UBE2R2: variants seen among roughly 807,000 people sequenced by gnomAD.
The protein encoded by UBE2R2 is ubiquitin conjugating enzyme E2 R2, also known as ubiquitin-conjugating enzyme E2 R2.
UBE2R2 carries 1 observed loss-of-function variant against 27.8 expected under a neutral mutation model. The ratio of observed to expected loss-of-function variants is 0.04; its 90% CI spans 0.01 to 0.17. The LOEUF (loss-of-function observed/expected upper bound fraction) is 0.17. Among genes scored for constraint, UBE2R2 ranks in the 10% least tolerant of loss-of-function variants. UBE2R2 has a pLI of 1.00. For synonymous variants in UBE2R2, 106 were observed against 113.3 expected, an observed-to-expected ratio of 0.94 and a Z score of 0.41; for missense variants, 100 against 291.0, an observed-to-expected ratio of 0.34 and a Z score of 4.78.
intron 2 of UBE2R2, among the ~76,000 whole-genome samples, chr9:33,899,796 C>G (rs914216363): frequency 2.6e-5 from 4 of 152,182 alleles, no homozygotes; most frequent in African/African-American, 9.7e-5. Context: ...CCGCGCCCAG[C>G]CCCAGTCAAT....
intron 1 of UBE2R2, among the ~76,000 whole-genome samples, chr9:33,837,121 C>T (rs953588715): frequency 6.6e-6 from 1 of 152,122 alleles, no homozygotes; most frequent in Admixed American, 6.6e-5. Flanking sequence ...ATATTTTCTC[C>T]TCTATGTTTT....
Position 33,906,093 on chromosome 9 carries a change from T to TGTC in UBE2R2, c.362+5834_362+5836dup, listed in dbSNP as rs1197532770. Among the ~76,000 whole-genome samples the TGTC allele has an allele frequency of 4.7e-5, 7 of 149,372 alleles. No individual in the cohort carries two copies. In the South Asian group the frequency reaches 1.1e-3, roughly 23 times the overall value. On this transcript the variant is annotated intron_variant, in intron 3 of 4. Coordinates refer to ENST00000263228, the MANE Select transcript of UBE2R2 (RefSeq NM_017811.4). ...TAAGTTCAGGTTTTGTTGTTGTTGT[T>TGTC]GTCGTCGTCGTCGTTGTTGCTGTTG...
Position 33,875,384 on chromosome 9 carries a change from C to T in UBE2R2, c.178-11497C>T, listed in dbSNP as rs1339366144. 3.3e-5 allele frequency among the ~76,000 whole-genome samples: 5 copies of T among 152,080 alleles called. No individual in the cohort carries two copies. The East Asian group carries it at 7.7e-4, about 23-fold the overall frequency. On this transcript the variant is annotated intron_variant, in intron 1 of 4. Transcript: ENST00000263228. Reference sequence around the variant, plus strand: ...TCCCTTTTACTTCTTGTGGAAAATACTTTAATATTTATTAATGCTCCTCAA... The same window carrying T: ...TCCCTTTTACTTCTTGTGGAAAATATTTTAATATTTATTAATGCTCCTCAA...
chr9:33,817,937 A>AC lies in UBE2R2; in HGVS notation c.177+6dup, dbSNP rs771012275. The AC allele has an allele frequency of 5.6e-6, 9 of 1,602,230 alleles. No individual in the cohort carries two copies. In the African/African-American group the frequency reaches 6.8e-5, roughly 12 times the overall value. On this transcript the variant is annotated splice_donor_region_variant and intron_variant, in intron 1 of 4. Transcript: ENST00000263228. ...TCTACGAAGGCGGCTACTTCAAGGTACCCTCACCCTCCTCCCGGACCCTGC... is the reference window on the plus strand; with the variant it reads ...TCTACGAAGGCGGCTACTTCAAGGTACCCCTCACCCTCCTCCCGGACCCTGC...
chr9:33,843,065 T>TTTTA (rs1364748305), intron 1 of UBE2R2, among the ~76,000 whole-genome samples: 1 of 144,772 alleles, frequency 6.9e-6, no homozygotes, highest in African/African-American at 2.5e-5. Context: ...TTTTTTTTTT[T>TTTTA]AAGACAGAGT....
intron 1 of UBE2R2, among the ~76,000 whole-genome samples, chr9:33,822,178 G>T (rs955290506): frequency 4.1e-5 from 6 of 146,858 alleles, no homozygotes; most frequent in African/African-American, 1.5e-4. Flanking sequence ...TGCAACCTCC[G>T]CCTCCTGGGT....
At chr9:33,819,599 A>C (rs577551482) in intron 1 of UBE2R2, among the ~76,000 whole-genome samples, 4 of 152,176 alleles carry the variant, frequency 2.6e-5, no homozygotes, top group African/African-American at 7.2e-5. Context: ...TTTTATGCAT[A>C]CTGGAAAAAT....
chr9:33,830,800 G>A (rs1820456470), intron 1 of UBE2R2, among the ~76,000 whole-genome samples: 1 of 151,344 alleles, frequency 6.6e-6, no homozygotes, highest in Non-Finnish European at 1.5e-5. Flanking sequence ...TATCTGCTTT[G>A]CTTATTTGTT....
intron 1 of UBE2R2, among the ~76,000 whole-genome samples, chr9:33,863,290 A>G (rs574741418): frequency 1.4e-3 from 207 of 151,962 alleles, no homozygotes; most frequent in Middle Eastern, 6.8e-3. Context: ...TTTGGAGCCC[A>G]GGGCAGATTC....
chr9:33,880,489 C>T (rs1426599819), intron 1 of UBE2R2, among the ~76,000 whole-genome samples: 2 of 151,742 alleles, frequency 1.3e-5, no homozygotes, highest in Admixed American at 1.3e-4. Context: ...AAAGAATATG[C>T]TATGTATTAT....
intron 1 of UBE2R2, among the ~76,000 whole-genome samples, chr9:33,821,081 TTTA>T (rs1825973784): frequency 2.6e-5 from 4 of 152,176 alleles, no homozygotes; most frequent in Admixed American, 1.3e-4. Flanking sequence ...AAGTCGGAAT[TTTA>T]TTGTTACTAG....
At chr9:33,874,863 C>T (rs1042794899) in intron 1 of UBE2R2, among the ~76,000 whole-genome samples, 5 of 152,100 alleles carry the variant, frequency 3.3e-5, no homozygotes, top group East Asian at 1.9e-4. Flanking sequence ...TTGGGGGTCT[C>T]GCTATGTTGC....
chr9:33,834,296 G>A lies in UBE2R2; in HGVS notation c.177+16362G>A, dbSNP rs146174440. ...GCTCACTGCAACCTCCGTCTCCCGG[G>A]TTCAAGTGACTCTCCTGCCTCAGCC... On this transcript the variant is annotated intron_variant, in intron 1 of 4. Transcript: ENST00000263228. Among the ~76,000 whole-genome samples, 825 of 151,660 alleles carry A rather than the reference G, an allele frequency of 5.4e-3. 2 individuals carry two copies. The highest frequency in any genetic ancestry group is 8.5e-3 in the Non-Finnish European group (578 of 67,912).
intron 1 of UBE2R2, among the ~76,000 whole-genome samples, chr9:33,826,145 CAAAA>C (rs36036831): frequency 9.7e-6 from 1 of 102,580 alleles, no homozygotes; most frequent in African/African-American, 3.7e-5. Flanking sequence ...GACTCTGTCT[CAAAA>C]AAAAAAAAAA....
intron 1 of UBE2R2, among the ~76,000 whole-genome samples, chr9:33,882,810 C>T (rs747258429): frequency 6.6e-6 from 1 of 152,092 alleles, no homozygotes. Flanking sequence ...AACCTTGTGC[C>T]GAGGATAGTG....
chr9:33,828,625 G>A (rs1055392578), intron 1 of UBE2R2, among the ~76,000 whole-genome samples: 1 of 151,858 alleles, frequency 6.6e-6, no homozygotes, highest in Admixed American at 6.6e-5. Flanking sequence ...GCAGTGGTGC[G>A]AGCTCGGCTC....
At chr9:33,819,478 C>T (rs1825923212) in intron 1 of UBE2R2, among the ~76,000 whole-genome samples, 2 of 152,270 alleles carry the variant, frequency 1.3e-5, no homozygotes, top group South Asian at 4.1e-4. Flanking sequence ...CTATACTTTT[C>T]AGATGGAGGT....
At chr9:33,833,622 G>A (rs945788449) in intron 1 of UBE2R2, among the ~76,000 whole-genome samples, 1 of 152,178 alleles carries the variant, frequency 6.6e-6, no homozygotes, top group Non-Finnish European at 1.5e-5. Context: ...TTACGACATA[G>A]CATTTTATTT....
chr9:33,824,172 A>G (rs764815625), intron 1 of UBE2R2, among the ~76,000 whole-genome samples: 17 of 152,128 alleles, frequency 1.1e-4, no homozygotes, highest in Non-Finnish European at 2.5e-4. Flanking sequence ...ATATTTTTCT[A>G]CCTTTTAACT....
Sources: allele counts gnomAD v4.1 joint callset (sites outside exome capture counted in the v4.1 genomes callset), GRCh38; gene constraint gnomAD v4.1.1; transcripts MANE v1.5; gene names NCBI Gene and HGNC (gene_info 2026-07-23, HGNC 2026-07-21).